Variants in ST8SIA6 observed in about 807,000 individuals in gnomAD.
The protein encoded by ST8SIA6 is alpha-2,8-sialyltransferase 8F.
In ST8SIA6, 39 loss-of-function variants were observed where a neutral mutation model predicts 33.6. The ratio of observed to expected loss-of-function variants is 1.16; its 90% CI spans 0.90 to 1.52. The LOEUF (loss-of-function observed/expected upper bound fraction) is 1.52, where lower values mean the gene tolerates loss of function less well. Ranked by LOEUF, ST8SIA6 falls within the 40% of genes most tolerant of loss-of-function variation. ST8SIA6 has a pLI of 0.00. For synonymous variants in ST8SIA6, 172 were observed against 167.2 expected (o/e 1.03, Z -0.22); for missense variants, 441 against 443.8 (o/e 0.99, Z 0.06).
chr10:17,367,841 T>C (rs1166991801), intron 3 of ST8SIA6, among the ~76,000 whole-genome samples: 1 of 152,176 alleles, frequency 6.6e-6, no homozygotes, highest in Non-Finnish European at 1.5e-5. Context: ...TAAGCAAGCA[T>C]GCATAAAACA....
At chr10:17,437,610 T>TTTCC (rs374960462) in intron 2 of ST8SIA6, among the ~76,000 whole-genome samples, 36 of 98,018 alleles carry the variant, frequency 3.7e-4, no homozygotes, top group Non-Finnish European at 3.8e-4. Flanking sequence ...GGACCCCCTG[T>TTTCC]TTCCTTCCTT....
At chr10:17,399,625 A>G (rs78192200) in intron 2 of ST8SIA6, among the ~76,000 whole-genome samples, 2,380 of 152,252 alleles carry the variant, frequency 0.016, 58 homozygotes, top group African/African-American at 0.053. Context: ...GTTTTCAACA[A>G]TGTAAAATCA....
At chr10:17,441,094 CT>C (rs888068564) in intron 2 of ST8SIA6, among the ~76,000 whole-genome samples, 2 of 151,746 alleles carry the variant, frequency 1.3e-5, no homozygotes, top group Non-Finnish European at 2.9e-5. Context: ...GAAGCACAAA[CT>C]TTTTTTTAAT....
intron 2 of ST8SIA6, chr10:17,413,303 C>T (rs1176731292): frequency 2.0e-5 from 3 of 148,372 alleles, no homozygotes; most frequent in Non-Finnish European, 3.0e-5. Flanking sequence ...CTATTTCTTT[C>T]CCAGTAATAA....
Position 17,334,442 on chromosome 10 carries a change from A to G in ST8SIA6, c.378-2890T>C, listed in dbSNP as rs192598885. 9.7e-3 allele frequency among the ~76,000 whole-genome samples: 1,478 copies of G among 151,766 alleles called. 24 individuals are homozygous for G. Among genetic ancestry groups the G allele is most frequent in the African/African-American group, 0.034 (1,392 of 41,434 alleles). ...TAGTCCCAGCTAGTTGGGAGGCTGAAGCAGGACAATGGTGTGAACCCAGAA... is the reference window on the plus strand; with the variant it reads ...TAGTCCCAGCTAGTTGGGAGGCTGAGGCAGGACAATGGTGTGAACCCAGAA... On this transcript the variant is annotated intron_variant, in intron 4 of 7. Coordinates refer to ENST00000377602, the MANE Select transcript of ST8SIA6 (RefSeq NM_001004470.3).
chr10:17,337,663 TAAAAC>T (rs1221305817), intron 4 of ST8SIA6, among the ~76,000 whole-genome samples: 1 of 152,156 alleles, frequency 6.6e-6, no homozygotes, highest in African/African-American at 2.4e-5. Context: ...TTACAACAAA[TAAAAC>T]AAAATGGAAT....
At chr10:17,336,830 T>A (rs1848513861) in intron 4 of ST8SIA6, among the ~76,000 whole-genome samples, 1 of 152,052 alleles carries the variant, frequency 6.6e-6, no homozygotes, top group Non-Finnish European at 1.5e-5. Flanking sequence ...CCGACCCTAG[T>A]TGATCCACCC....
At chr10:17,410,674 C>T (rs757856324) in intron 2 of ST8SIA6, 2 of 152,086 alleles carry the variant, frequency 1.3e-5, no homozygotes, top group Non-Finnish European at 2.9e-5. Flanking sequence ...GATGGTAACT[C>T]ATCCAGGGAA....
chr10:17,415,627 G>A (rs1028111809), intron 2 of ST8SIA6, among the ~76,000 whole-genome samples: 2 of 151,920 alleles, frequency 1.3e-5, no homozygotes, highest in African/African-American at 2.4e-5. Context: ...TGGAATGCAC[G>A]CATACACATA....
chr10:17,343,976 A>G (rs1473166292), intron 4 of ST8SIA6, among the ~76,000 whole-genome samples: 1 of 152,216 alleles, frequency 6.6e-6, no homozygotes, highest in African/African-American at 2.4e-5. Flanking sequence ...AAGCGCTATT[A>G]TCATCCCTGT....
At chr10:17,435,713 G>A (rs577139438) in intron 2 of ST8SIA6, among the ~76,000 whole-genome samples, 2 of 140,358 alleles carry the variant, frequency 1.4e-5, no homozygotes, top group African/African-American at 2.8e-5. Context: ...ATGGGGGGTT[G>A]GGGGGGTGGG....
At chr10:17,414,715 C>T (rs915805147) in intron 2 of ST8SIA6, among the ~76,000 whole-genome samples, 1 of 152,262 alleles carries the variant, frequency 6.6e-6, no homozygotes, top group African/African-American at 2.4e-5. Context: ...GTCTCTTCCT[C>T]TTCTTATAAA....
chr10:17,343,533 G>A (rs1407293853), intron 4 of ST8SIA6, among the ~76,000 whole-genome samples: 1 of 152,140 alleles, frequency 6.6e-6, no homozygotes, highest in Non-Finnish European at 1.5e-5. Context: ...AACTAAGACT[G>A]CAGAAACCAA....
intron 4 of ST8SIA6, among the ~76,000 whole-genome samples, chr10:17,342,452 A>G (rs1848709721): frequency 6.6e-6 from 1 of 152,178 alleles, no homozygotes; most frequent in Non-Finnish European, 1.5e-5. Flanking sequence ...TCCTCATTGA[A>G]TGAATAAACT....
intron 3 of ST8SIA6, among the ~76,000 whole-genome samples, chr10:17,379,616 C>T (rs1191412408): frequency 1.3e-5 from 2 of 152,182 alleles, no homozygotes; most frequent in East Asian, 1.9e-4. Flanking sequence ...TGTCTCTCAC[C>T]TATCTGCGAC....
intron 2 of ST8SIA6, among the ~76,000 whole-genome samples, chr10:17,396,599 A>G (rs916417578): frequency 6.6e-6 from 1 of 152,030 alleles, no homozygotes; most frequent in African/African-American, 2.4e-5. Flanking sequence ...CAAAAGAATA[A>G]TCCACCTGCC....
intron 3 of ST8SIA6, among the ~76,000 whole-genome samples, chr10:17,379,661 C>A (rs1245501951): frequency 6.6e-6 from 1 of 152,132 alleles, no homozygotes; most frequent in Admixed American, 6.6e-5. Flanking sequence ...GGCTTCCTGC[C>A]TTTGCTTCAA....
intron 4 of ST8SIA6, among the ~76,000 whole-genome samples, chr10:17,358,108 T>C (rs1046158486): frequency 2.0e-5 from 3 of 152,158 alleles, no homozygotes; most frequent in Non-Finnish European, 4.4e-5. Context: ...AAATATCAGA[T>C]AGGAAAGATG....
chr10:17,360,970 A>G (rs1849367386), intron 3 of ST8SIA6, among the ~76,000 whole-genome samples: 1 of 151,806 alleles, frequency 6.6e-6, no homozygotes, highest in Non-Finnish European at 1.5e-5. Context: ...GGAGGAGAAG[A>G]AGAAGGAGAA....
Sources: gnomAD v4.1 joint callset for allele counts (sites outside exome capture counted in the v4.1 genomes callset) on GRCh38, gnomAD v4.1.1 for gene constraint, MANE v1.5 for transcripts, NCBI Gene and HGNC (gene_info 2026-07-23, HGNC 2026-07-21) for gene names.